Variants in PLEC observed in about 807,000 individuals in gnomAD.
The protein encoded by PLEC is plectin.
A neutral mutation model predicts 392.8 loss-of-function variants in PLEC; 216 were observed. The observed-to-expected ratio is 0.55, with a 90% CI of 0.49 to 0.62. The LOEUF (loss-of-function observed/expected upper bound fraction) is 0.62. Ranked by LOEUF, PLEC falls within the 20% of genes least tolerant of loss-of-function variation. The probability of loss-of-function intolerance (pLI) is 0.00; values close to 1 mark genes in which losing one functional copy is unlikely to be tolerated. For synonymous variants in PLEC, 3,621 were observed against 2,980.6 expected (o/e 1.21, Z -7.00); for missense variants, 6,863 against 6,563.4 (o/e 1.05, Z -1.58).
Position 143,922,303 on chromosome 8 carries a change from C to T in PLEC, c.7518G>A (p.Glu2506=). Residue 2506 remains glutamate, a synonymous_variant, in exon 32 of 32, where the codon GAG becomes GAA. Coordinates refer to ENST00000345136, the MANE Select transcript of PLEC (RefSeq NM_201384.3). ...TGGCCTTCTCCTGCTCGATGAAGCG[C>T]TCCCGCTGTAGCAGGCTGTCCTTTT... ...LSEKDSLLQR[E]RFIEQEKAKL... 6.2e-7 allele frequency: 1 copy of T among 1,607,826 alleles called. No homozygotes were observed. Among genetic ancestry groups the T allele is most frequent in the South Asian group, 1.1e-5 (1 of 91,012 alleles).
At chr8:143,942,639 C>A (rs113091722), upstream of PLEC, 456 of 1,204,176 alleles carry the variant, frequency 3.8e-4, 3 homozygotes, top group African/African-American at 6.5e-3. Flanking sequence ...CTTCCACCTC[C>A]CCCCCACAAT....
chr8:143,920,880 C>T lies in PLEC; in HGVS notation c.8941G>A (p.Val2981Met), dbSNP rs1554683314. The change falls in exon 32 of 32, where the codon GTG (valine) becomes ATG (methionine). Residue 2981 changes from valine (V) to methionine (M), a missense_variant. Val to Met is a conservative substitution (Grantham distance 21). Transcript: ENST00000345136. Reference protein sequence around the residue: ...RLCFEGLRSLVPAAELLESRV... With the variant: ...RLCFEGLRSLMPAAELLESRV... Reference sequence around the variant, plus strand: ...CTCTCCAGCAGCTCGGCGGCTGGCACCAGGCTGCGCAGGCCCTCAAAGCAA... The same window carrying T: ...CTCTCCAGCAGCTCGGCGGCTGGCATCAGGCTGCGCAGGCCCTCAAAGCAA... The T allele has an allele frequency of 3.7e-6, 6 of 1,611,230 alleles. No homozygotes were observed. The highest frequency in any genetic ancestry group is 2.2e-5 in the East Asian group (1 of 44,876).
rs1290843678 is a variant in PLEC at position 143,915,713 on chromosome 8, G to C, written c.*464C>G. ...GAGGGCCTCGTCTTCCCATGGGGAA[G>C]GGGCTTCTCTGGGTAGACTGGGAGA... On this transcript the variant is annotated 3_prime_UTR_variant, in exon 32 of 32. Transcript: ENST00000345136. 6.5e-6 allele frequency: 1 copy of C among 154,162 alleles called. No individual in the cohort carries two copies. The highest frequency in any genetic ancestry group is 1.4e-5 in the Non-Finnish European group (1 of 69,554). 9.5% of individuals were successfully genotyped at this position (154,162 alleles called of 1,614,324 possible).
rs2131852135 is a variant in PLEC, at chr8:143,931,661, TG to T, written c.2179-3del. ...GGCCTCCCGCACATCTGAGAAGAAC[TG>T]GGGCAGCGGGAGGGGGTCACGCCAG... On this transcript the variant is annotated splice_region_variant and splice_polypyrimidine_tract_variant and intron_variant, in intron 18 of 31. Coordinates refer to ENST00000345136, the MANE Select transcript of PLEC (RefSeq NM_201384.3). 1 of 1,598,604 alleles carries T rather than the reference TG, an allele frequency of 6.3e-7. No individual in the cohort carries two copies.
rs781833947 is a variant in PLEC at position 143,923,626 on chromosome 8, C to T, written c.6303G>A (p.Glu2101=). The T allele has an allele frequency of 3.1e-5, 49 of 1,588,544 alleles. No individual in the cohort carries two copies. The Admixed American group carries it at 6.7e-4, about 22-fold the overall frequency. The part of the protein sequence containing the change: ...EEAEEARVQA[E]REAAQSRRQV... ...GCCGCCGGGACTGCGCCGCCTCACG[C>T]TCCGCCTGCACCCGGGCCTCCTCCG... Residue 2101 remains glutamate, a synonymous_variant, in exon 31 of 32, where the codon GAG becomes GAA. Transcript: ENST00000345136.
Position 143,927,543 on chromosome 8 carries a change from T to G in PLEC, c.3623A>C (p.Gln1208Pro), listed in dbSNP as rs1441764984. 1.8e-5 allele frequency: 28 copies of G among 1,596,452 alleles called. No individual in the cohort carries two copies. The highest frequency in any genetic ancestry group is 2.3e-5 in the Non-Finnish European group (27 of 1,178,674). Residue 1208 changes from glutamine (Q) to proline (P), a missense_variant, in exon 27 of 32, where the codon CAG becomes CCG. Physicochemically the swap from Gln to Pro is moderately conservative, Grantham distance 76 (BLOSUM62 -1). Coordinates refer to ENST00000345136, the MANE Select transcript of PLEC (RefSeq NM_201384.3). ...RQRELEQLGR[Q>P]LRYYRESADP... is the part of the protein sequence containing the mutation. ...TGCACTCTCGCGGTAGTAACGCAGC[T>G]GGCGGCCCAGTTGCTCGAGCTCGCG...
chr8:143,923,651 GCCT>G lies in PLEC; in HGVS notation c.6275_6277del (p.Glu2092del), dbSNP rs1278960213. On this transcript the variant is annotated inframe_deletion, in exon 31 of 32. Transcript: ENST00000345136. The stretch of plus-strand genomic sequence containing the variant: ...CTCCGCCTGCACCCGGGCCTCCTCC[GCCT>G]CCTCAGCCGCCCGCCGGGCCGCCTC... 1.8e-5 allele frequency: 29 copies of G among 1,570,378 alleles called. No homozygotes were observed. The highest frequency in any genetic ancestry group is 2.3e-5 in the East Asian group (1 of 42,712).
upstream of PLEC, chr8:143,944,061 G>A: frequency 9.9e-6 from 9 of 912,812 alleles, no homozygotes; most frequent in South Asian, 1.7e-5. Context: ...AACAGCTCCC[G>A]CCCGCCTCCT....
In PLEC at chr8:143,927,080, T is replaced by C. The variant is rs782382295; in HGVS notation, c.3842A>G (p.Asp1281Gly). 2.5e-6 allele frequency: 4 copies of C among 1,609,654 alleles called. No homozygotes were observed. The highest frequency in any genetic ancestry group is 2.5e-6 in the Non-Finnish European group (3 of 1,179,204). ...FAKQYINAIK[D>G]YELQLVTYKA... The stretch of plus-strand genomic sequence containing the variant: ...GTACGTCACCAGCTGGAGTTCATAG[T>C]CCTGTGGCAATGCACTGCGGTCAGC... The change falls in exon 29 of 32, where the codon GAC becomes GGC. Residue 1281 changes from aspartate to glycine, a missense_variant and splice_region_variant. Physicochemically the swap from Asp to Gly is moderately conservative, Grantham distance 94. Coordinates refer to ENST00000345136, the MANE Select transcript of PLEC (RefSeq NM_201384.3).
rs1827298070 is a variant in PLEC at position 143,931,664 on chromosome 8, G to A, written c.2179-5C>T. The A allele has an allele frequency of 2.5e-6, 4 of 1,597,272 alleles. No homozygotes were observed. Among genetic ancestry groups the A allele is most frequent in the East Asian group, 2.3e-5 (1 of 44,260 alleles). ...CTCCCGCACATCTGAGAAGAACTGG[G>A]GCAGCGGGAGGGGGTCACGCCAGGC... On this transcript the variant is annotated splice_region_variant and splice_polypyrimidine_tract_variant and intron_variant, in intron 18 of 31. Transcript: ENST00000345136.
chr8:143,964,645 G>T (rs1436096495), intron 1 of PLEC, among the ~76,000 whole-genome samples: 1 of 152,160 alleles, frequency 6.6e-6, no homozygotes, highest in Non-Finnish European at 1.5e-5. Context: ...CCAGTTTGTG[G>T]GTACGTGTGA....
intron 18 of PLEC, 70 bp downstream of exon 18, chr8:143,931,867 G>A: frequency 6.9e-7 from 1 of 1,458,502 alleles, no homozygotes; most frequent in Non-Finnish European, 9.4e-7. Context: ...GATTGGAGCT[G>A]CCGAGGGGGT....
rs1554713836 is a variant in PLEC at position 143,930,439 on chromosome 8, T to C, written c.2402A>G (p.His801Arg). 1 of 1,573,434 alleles carries C rather than the reference T, an allele frequency of 6.4e-7. No homozygotes were observed. The highest frequency in any genetic ancestry group is 2.4e-5 in the East Asian group (1 of 42,494). Residue 801 changes from histidine (H) to arginine (R), a missense_variant, in exon 20 of 32, where the codon CAC (histidine) becomes CGC (arginine). Coordinates refer to ENST00000345136, the MANE Select transcript of PLEC (RefSeq NM_201384.3). The part of the protein sequence containing the change: ...VVQLKPRHPA[H>R]PMRGRLPLLA... ...CAGGGGCAGGCGGCCCCGCATGGGG[T>C]GGGCTGGGTGGCGGGGCTTCAGCTG...
chr8:143,916,153 A>C lies in PLEC; in HGVS notation c.*24T>G. On this transcript the variant is annotated 3_prime_UTR_variant, in exon 32 of 32. Transcript: ENST00000345136. Reference sequence around the variant, plus strand: ...GTGGGAGCCGGGCTGGGCCGCATGCAGAGCGGGGTGGGCGCAGGCAGCCTC... The same window carrying C: ...GTGGGAGCCGGGCTGGGCCGCATGCCGAGCGGGGTGGGCGCAGGCAGCCTC... 1.3e-6 allele frequency: 2 copies of C among 1,506,152 alleles called. No homozygotes were observed. The highest frequency in any genetic ancestry group is 1.8e-6 in the Non-Finnish European group (2 of 1,128,164). 93.3% of individuals were successfully genotyped at this position (1,506,152 alleles called of 1,614,324 possible). A position where few individuals can be genotyped will look rare whatever the true frequency, so the allele number is the denominator to read the frequency against.
chr8:143,960,812 G>A (rs1832837775), intron 1 of PLEC, among the ~76,000 whole-genome samples: 1 of 152,154 alleles, frequency 6.6e-6, no homozygotes, highest in South Asian at 2.1e-4. Context: ...GTGGCTTCCT[G>A]TTTGTTTCTC....
At chr8:143,929,378 G>A (rs781935071) in intron 24 of PLEC, 36 bp downstream of exon 24, 3 of 1,564,974 alleles carry the variant, frequency 1.9e-6, no homozygotes, top group Admixed American at 1.9e-5. Context: ...GGGATGGGGA[G>A]AGGGATGGGA....
rs539042452 is a variant in PLEC at position 143,916,864 on chromosome 8, C to T, written c.12957G>A (p.Gly4319=). 2.5e-6 allele frequency: 4 copies of T among 1,611,888 alleles called. No homozygotes were observed. Among genetic ancestry groups the T allele is most frequent in the Admixed American group, 3.3e-5 (2 of 59,958 alleles). Residue 4319 remains glycine, a synonymous_variant, in exon 32 of 32, where the codon GGG becomes GGA. Transcript: ENST00000345136. The part of the protein sequence containing the change: ...QRLLEAQACT[G]GIIDPSTGER... ...CACCGGTGCTGGGGTCGATGATGCC[C>T]CCGGTGCAGGCCTGCGCCTCCAGCA...
Position 143,930,068 on chromosome 8 carries a change from A to G in PLEC, c.2613-6T>C. On this transcript the variant is annotated splice_polypyrimidine_tract_variant and splice_region_variant and intron_variant, in intron 21 of 31. Coordinates refer to ENST00000345136, the MANE Select transcript of PLEC (RefSeq NM_201384.3). ...CCTGGTGCTGGGCCTCCAGCCTGGCAGGTCAGGGCTACAGTCAGCGTCACC... is the reference window on the plus strand; with the variant it reads ...CCTGGTGCTGGGCCTCCAGCCTGGCGGGTCAGGGCTACAGTCAGCGTCACC... 6.2e-7 allele frequency: 1 copy of G among 1,609,846 alleles called. No homozygotes were observed. The highest frequency in any genetic ancestry group is 8.5e-7 in the Non-Finnish European group (1 of 1,179,728).
intron 3 of PLEC, chr8:143,937,698 C>T (rs995805779): frequency 6.1e-6 from 3 of 487,896 alleles, no homozygotes; most frequent in African/African-American, 3.9e-5. Context: ...CCGGGCTCCA[C>T]GGTCTTGGGG....
Sources: allele counts gnomAD v4.1 joint callset (sites outside exome capture counted in the v4.1 genomes callset), GRCh38; gene constraint gnomAD v4.1.1; transcripts MANE v1.5; gene names NCBI Gene and HGNC (gene_info 2026-07-23, HGNC 2026-07-21).